The following PM20D1 variants were observed in gnomAD, a reference collection of about 807,000 sequenced individuals.
The protein encoded by PM20D1 is peptidase M20 domain containing 1.
In PM20D1, 53 loss-of-function variants were observed where a neutral mutation model predicts 53.8. That is an observed-to-expected ratio of 0.98 (90% CI 0.79 to 1.24). The LOEUF is 1.24. PM20D1 is among the 50% of genes most tolerant of loss of function. The pLI is 0.00. For missense variants in PM20D1, 564 were observed against 616.8 expected (o/e 0.91, Z 0.91); for synonymous variants, 239 against 241.3 (o/e 0.99, Z 0.09).
In PM20D1 at chr1:205,848,105, C is replaced by T. The variant is rs936161628; in HGVS notation, c.170-134G>A. 2.7e-5 allele frequency: 22 copies of T among 808,916 alleles called. 1 individual carries two copies. In the East Asian group the frequency reaches 5.0e-4, roughly 18 times the overall value. 50.1% of individuals were successfully genotyped at this position (808,916 alleles called of 1,614,324 possible). Reference sequence around the variant, plus strand: ...GGGCAAAACACTAATGTGAGGTAGGCGCTATTGTTTCCTCTAATTCGAAGA... The same window carrying T: ...GGGCAAAACACTAATGTGAGGTAGGTGCTATTGTTTCCTCTAATTCGAAGA... On this transcript the variant is annotated intron_variant, in intron 1 of 12. Coordinates refer to ENST00000367136, the MANE Select transcript of PM20D1 (RefSeq NM_152491.5).
rs776607907 is a variant in PM20D1, at chr1:205,830,257, C to A, written c.1385+23G>T. 5.3e-6 allele frequency: 8 copies of A among 1,509,386 alleles called. No homozygotes were observed. The South Asian group carries it at 9.0e-5, about 17-fold the overall frequency. 93.5% of individuals were successfully genotyped at this position (1,509,386 alleles called of 1,614,324 possible). A position where few individuals can be genotyped will look rare whatever the true frequency, so the allele number is the denominator to read the frequency against. On this transcript the variant is annotated intron_variant, in intron 12 of 12. Coordinates refer to ENST00000367136, the MANE Select transcript of PM20D1 (RefSeq NM_152491.5). Reference sequence around the variant, plus strand: ...AAGTGTATTTCTTTTCTCCCACCTGCTGCTCAAACCTGTTCCACTCACCGT... The same window carrying A: ...AAGTGTATTTCTTTTCTCCCACCTGATGCTCAAACCTGTTCCACTCACCGT...
chr1:205,842,151 T>A lies in PM20D1; in HGVS notation c.965+3A>T. 6.2e-7 allele frequency: 1 copy of A among 1,608,054 alleles called. No homozygotes were observed. On this transcript the variant is annotated splice_donor_region_variant and intron_variant, in intron 8 of 12. Transcript: ENST00000367136. Reference sequence around the variant, plus strand: ...TGTGAAAAAAGGAAAGATAATACTTTACCTGCTTATAAGTGGTTCAAATAG... The same window carrying A: ...TGTGAAAAAAGGAAAGATAATACTTAACCTGCTTATAAGTGGTTCAAATAG...
intron 4 of PM20D1, among the ~76,000 whole-genome samples, 180 bp from the exon 5 acceptor site, chr1:205,844,397 C>A (rs1191359444): frequency 6.6e-6 from 1 of 152,228 alleles, no homozygotes; most frequent in Non-Finnish European, 1.5e-5. Flanking sequence ...TCAGAGCTGG[C>A]AGGCCTCACC....
intron 7 of PM20D1, 127 bp downstream of exon 7, chr1:205,842,549 G>T: frequency 1.1e-6 from 1 of 941,548 alleles, no homozygotes; most frequent in Non-Finnish European, 1.6e-6. Flanking sequence ...TCAGCCACTG[G>T]CTGGGAATAG....
In PM20D1 at chr1:205,828,761, C is replaced by T; in HGVS notation, c.1386-18G>A. 6.2e-7 allele frequency: 1 copy of T among 1,613,382 alleles called. No individual in the cohort carries two copies. Among genetic ancestry groups the T allele is most frequent in the Non-Finnish European group, 8.5e-7 (1 of 1,179,542 alleles). ...CATGGATGCTGAGGAAAGTAAGGTGCATTTAGGGAAGGAGGGGAGGGCCAA... is the reference window on the plus strand; with the variant it reads ...CATGGATGCTGAGGAAAGTAAGGTGTATTTAGGGAAGGAGGGGAGGGCCAA... On this transcript the variant is annotated intron_variant, in intron 12 of 12. Coordinates refer to ENST00000367136, the MANE Select transcript of PM20D1 (RefSeq NM_152491.5).
At chr1:205,841,784 T>C (rs1656814239) in intron 9 of PM20D1, 27 bp downstream of exon 9, 3 of 1,545,380 alleles carry the variant, frequency 1.9e-6, no homozygotes, top group Admixed American at 1.9e-5. Flanking sequence ...AGGGAAAAGC[T>C]ATATGGGGAG....
chr1:205,849,861 A>T, intron 1 of PM20D1, 43 bp downstream of exon 1: 1 of 1,560,172 alleles, frequency 6.4e-7, no homozygotes, highest in South Asian at 1.2e-5. Context: ...GGAGGGAGGG[A>T]CCCACATATG....
intron 4 of PM20D1, among the ~76,000 whole-genome samples, chr1:205,844,452 G>A (rs1037775131): frequency 6.6e-6 from 1 of 152,206 alleles, no homozygotes; most frequent in Non-Finnish European, 1.5e-5. Flanking sequence ...AAAGAGTGAA[G>A]TGACTTGCCC....
chr1:205,843,975 C>G, intron 5 of PM20D1, 112 bp downstream of exon 5: 1 of 1,487,722 alleles, frequency 6.7e-7, no homozygotes, highest in Non-Finnish European at 9.1e-7. Context: ...GCGATTAATG[C>G]GAGAGGTGTA....
At chr1:205,843,867 A>G (rs1013184303) in intron 5 of PM20D1, 81 bp from the exon 6 acceptor site, 62 of 1,548,124 alleles carry the variant, frequency 4.0e-5, no homozygotes, top group Non-Finnish European at 6.1e-6. Context: ...CCATCTGTGC[A>G]ATAGTCTAGT....
At chr1:205,843,613 TGC>T in intron 6 of PM20D1, 52 bp downstream of exon 6, 4 of 1,576,730 alleles carry the variant, frequency 2.5e-6, no homozygotes, top group Non-Finnish European at 3.4e-6. Flanking sequence ...AGTGGGAAAG[TGC>T]CAGGGCTTCC....
At chr1:205,843,625 C>T in intron 6 of PM20D1, 42 bp downstream of exon 6, 1 of 1,586,802 alleles carries the variant, frequency 6.3e-7, no homozygotes, top group Non-Finnish European at 8.6e-7. Flanking sequence ...CCAGGGCTTC[C>T]ATCTCAAGTC....
intron 4 of PM20D1, 107 bp downstream of exon 4, chr1:205,844,704 C>T (rs1353247694): frequency 3.1e-5 from 30 of 963,906 alleles, no homozygotes; most frequent in Admixed American, 2.1e-4. Flanking sequence ...GGCAAACTAC[C>T]GTATCATGGA....
rs193013973 is a variant in PM20D1 at position 205,840,339 on chromosome 1, C to T, written c.1045-16G>A. The T allele has an allele frequency of 6.2e-7, 1 of 1,610,840 alleles. No homozygotes were observed. Among genetic ancestry groups the T allele is most frequent in the Non-Finnish European group, 8.5e-7 (1 of 1,177,888 alleles). The stretch of plus-strand genomic sequence containing the variant: ...TGACATTGAACTAGAGAGAGAAGCA[C>T]AAAACCCTGGCTTGAGTCAACCTCA... On this transcript the variant is annotated splice_polypyrimidine_tract_variant and intron_variant, in intron 9 of 12. Coordinates refer to ENST00000367136, the MANE Select transcript of PM20D1 (RefSeq NM_152491.5).
chr1:205,830,121 G>A (rs980884728), intron 12 of PM20D1, 159 bp downstream of exon 12: 1 of 572,404 alleles, frequency 1.7e-6, no homozygotes, highest in African/African-American at 1.9e-5. Flanking sequence ...CTGGCAATAA[G>A]GACAGTAGAT....
intron 1 of PM20D1, among the ~76,000 whole-genome samples, 188 bp downstream of exon 1, chr1:205,849,716 G>C (rs1307884810): frequency 6.6e-6 from 1 of 152,078 alleles, no homozygotes; most frequent in Non-Finnish European, 1.5e-5. Flanking sequence ...CCAGGTATGG[G>C]GGAAGTGTGG....
At chr1:205,829,442 A>G (rs893944164) in intron 12 of PM20D1, among the ~76,000 whole-genome samples, 1 of 152,174 alleles carries the variant, frequency 6.6e-6, no homozygotes, top group African/African-American at 2.4e-5. Context: ...AGGGAAGGCA[A>G]CTGCCCAGGG....
chr1:205,844,905 T>G lies in PM20D1; in HGVS notation c.490-8A>C. On this transcript the variant is annotated splice_polypyrimidine_tract_variant and splice_region_variant and intron_variant, in intron 3 of 12. Coordinates refer to ENST00000367136, the MANE Select transcript of PM20D1 (RefSeq NM_152491.5). ...CAAGGCCTGCAGTAATGCCTGGGGTTCAGAAGCACAATGGAAGAGGAAAAA... is the reference window on the plus strand; with the variant it reads ...CAAGGCCTGCAGTAATGCCTGGGGTGCAGAAGCACAATGGAAGAGGAAAAA... 1 of 1,611,848 alleles carries G rather than the reference T, an allele frequency of 6.2e-7. No individual in the cohort carries two copies. Among genetic ancestry groups the G allele is most frequent in the Non-Finnish European group, 8.5e-7 (1 of 1,178,554 alleles).
At chr1:205,830,487 A>G (rs2102521822) in intron 11 of PM20D1, 108 bp from the exon 12 acceptor site, 1 of 746,726 alleles carries the variant, frequency 1.3e-6, no homozygotes, top group East Asian at 2.5e-5. Flanking sequence ...ATCACTACAG[A>G]GCAATGCCTG....
Sources: allele counts gnomAD v4.1 joint callset (sites outside exome capture counted in the v4.1 genomes callset), GRCh38; gene constraint gnomAD v4.1.1; transcripts MANE v1.5; gene names NCBI Gene and HGNC (gene_info 2026-07-23, HGNC 2026-07-21).